Variants in FAM81A observed in about 807,000 individuals in gnomAD.
FAM81A encodes the protein protein FAM81A.
A neutral mutation model predicts 46.7 loss-of-function variants in FAM81A; 19 were observed. The observed-to-expected ratio is 0.41, with a 90% confidence interval of 0.28 to 0.60. The LOEUF is 0.60. Among genes scored for constraint, FAM81A ranks in the 20% least tolerant of loss-of-function variants. The pLI, the probability that FAM81A is intolerant of heterozygous loss-of-function variation, is 0.34. For synonymous variants in FAM81A, 183 were observed against 152.9 expected, an observed-to-expected ratio of 1.20 and a Z score of -1.45; for missense variants, 377 against 453.5, an observed-to-expected ratio of 0.83 and a Z score of 1.53.
intron 1 of FAM81A, among the ~76,000 whole-genome samples, chr15:59,457,528 G>A (rs1378111112): frequency 6.6e-6 from 1 of 152,204 alleles, no homozygotes; most frequent in Non-Finnish European, 1.5e-5. Flanking sequence ...TCCACTGGGG[G>A]TCTTGGAATG....
intron 2 of FAM81A, among the ~76,000 whole-genome samples, chr15:59,431,435 A>G (rs1187317546): frequency 6.6e-6 from 1 of 151,080 alleles, no homozygotes; most frequent in African/African-American, 2.4e-5. Flanking sequence ...GGGTTTCACC[A>G]TGTTGGTCAG....
At chr15:59,401,641 AG>A in intron 1 of FAM81A, 1 of 892,958 alleles carries the variant, frequency 1.1e-6, no homozygotes, top group Non-Finnish European at 1.9e-6. Flanking sequence ...CTTTAGGCAG[AG>A]GGACTTCCCA....
chr15:59,441,822 C>G (rs938020484), intron 1 of FAM81A, among the ~76,000 whole-genome samples: 3 of 152,318 alleles, frequency 2.0e-5, no homozygotes, highest in African/African-American at 7.2e-5. Context: ...GCTGTGAGAT[C>G]CTGTCCTTGG....
chr15:59,487,629 A>G (rs1353041820), intron 3 of FAM81A, among the ~76,000 whole-genome samples: 1 of 152,134 alleles, frequency 6.6e-6, no homozygotes, highest in Non-Finnish European at 1.5e-5. Context: ...AGGAGCAACT[A>G]TATGCCAAAA....
chr15:59,518,971 G>GTC (rs2082297552), intron 8 of FAM81A, among the ~76,000 whole-genome samples: 1 of 150,312 alleles, frequency 6.7e-6, no homozygotes, highest in African/African-American at 2.4e-5. Flanking sequence ...GTGTGTGTGT[G>GTC]TGTGTGGCAA....
At chr15:59,458,513 A>G (rs1469747559) in intron 1 of FAM81A, 37 bp from the exon 2 acceptor site, 1 of 1,479,444 alleles carries the variant, frequency 6.8e-7, no homozygotes, top group African/African-American at 1.4e-5. Context: ...TTCTAGATAT[A>G]AACTGTTAAA....
chr15:59,495,229 G>T (rs1363878941), intron 4 of FAM81A, among the ~76,000 whole-genome samples: 1 of 152,060 alleles, frequency 6.6e-6, no homozygotes, highest in Non-Finnish European at 1.5e-5. Context: ...TCCATGGCAG[G>T]CCTACATTCT....
intron 1 of FAM81A, chr15:59,401,744 A>T: frequency 2.6e-6 from 2 of 764,532 alleles, no homozygotes; most frequent in Non-Finnish European, 4.8e-6. Flanking sequence ...ATAGGCAGGT[A>T]CTGCTCCCTG....
At position 59,460,383 on chromosome 15, in the gene FAM81A, A is replaced by C; in HGVS notation, c.294+177A>C. On this transcript the variant is annotated intron_variant, in intron 3 of 8. Coordinates refer to ENST00000288228, the MANE Select transcript of FAM81A (RefSeq NM_152450.3). This position sits in a 1 kb window ranked among gnomAD's most constrained non-coding sequence, Gnocchi z 4.4. ...ACAGCTTGCAGAAATATCCTAATTA[A>C]ATTTATTCCAGTGTTTGATAACAGT... 1.2e-6 allele frequency: 1 copy of C among 832,476 alleles called. No individual in the cohort carries two copies. The allele number at this position is 832,476 out of a possible 1,614,324, so 51.6% of individuals were successfully genotyped here.
intron 1 of FAM81A, among the ~76,000 whole-genome samples, chr15:59,400,604 T>C (rs902175577): frequency 3.9e-5 from 6 of 152,226 alleles, no homozygotes; most frequent in Admixed American, 3.9e-4. Flanking sequence ...ACACCCCTCC[T>C]GCTTCATCAG....
intron 1 of FAM81A, among the ~76,000 whole-genome samples, chr15:59,439,665 A>T (rs56014137): frequency 0.17 from 26,409 of 152,206 alleles, 2,702 homozygotes; most frequent in South Asian, 0.26. Context: ...AATGCTAATG[A>T]ATAAGCTTCT....
intron 1 of FAM81A, among the ~76,000 whole-genome samples, chr15:59,453,569 A>G (rs556407675): frequency 6.6e-6 from 1 of 152,294 alleles, no homozygotes; most frequent in South Asian, 2.1e-4. Context: ...TTATCCTACC[A>G]CCATGTTTTC....
rs530142261 is a variant in FAM81A at position 59,484,390 on chromosome 15, A to G, written c.295-7881A>G. Among the ~76,000 whole-genome samples, 7 of 152,308 alleles carry G rather than the reference A, an allele frequency of 4.6e-5. No homozygotes were observed. The East Asian group carries it at 5.8e-4, about 13-fold the overall frequency. On this transcript the variant is annotated intron_variant, in intron 3 of 8. Transcript: ENST00000288228. ...GTCTACAAAATAAAGCACCTTCATG[A>G]GAACCAAAAAGCAGGTAAGCGATCA...
At chr15:59,435,728 T>C (rs561066701), upstream of FAM81A, among the ~76,000 whole-genome samples, 33 of 152,248 alleles carry the variant, frequency 2.2e-4, no homozygotes, top group Non-Finnish European at 4.3e-4. Flanking sequence ...CCATCAAGTA[T>C]ATAGAATTGT....
At chr15:59,472,202 G>A (rs1345064616) in intron 3 of FAM81A, among the ~76,000 whole-genome samples, 2 of 151,948 alleles carry the variant, frequency 1.3e-5, no homozygotes, top group East Asian at 1.9e-4. Flanking sequence ...TGGGCTGGGC[G>A]CGGTGGCTCA....
intron 3 of FAM81A, among the ~76,000 whole-genome samples, chr15:59,466,921 A>G (rs1187558505): frequency 6.6e-6 from 1 of 152,210 alleles, no homozygotes; most frequent in African/African-American, 2.4e-5. Flanking sequence ...AGCTTTCTGC[A>G]TATGGCTAGC....
At chr15:59,424,909 G>A (rs1280939336) in intron 2 of FAM81A, among the ~76,000 whole-genome samples, 1 of 152,138 alleles carries the variant, frequency 6.6e-6, no homozygotes, top group Non-Finnish European at 1.5e-5. Flanking sequence ...AGCCACCAGA[G>A]TAAATCAGAT....
At chr15:59,520,658 G>A (rs2141855572) in intron 8 of FAM81A, among the ~76,000 whole-genome samples, 1 of 151,838 alleles carries the variant, frequency 6.6e-6, no homozygotes, top group East Asian at 1.9e-4. Context: ...CCGCTTCCTG[G>A]GTTCAAGCAA....
intron 3 of FAM81A, among the ~76,000 whole-genome samples, chr15:59,476,483 A>G (rs1160640483): frequency 6.6e-6 from 1 of 152,232 alleles, no homozygotes; most frequent in Non-Finnish European, 1.5e-5. Context: ...ATTTATAAGT[A>G]ATATAAAAAT....
Sources: gnomAD v4.1 joint callset for allele counts (sites outside exome capture counted in the v4.1 genomes callset) on GRCh38, gnomAD v4.1.1 for gene constraint, Gnocchi (gnomAD v3.1) non-coding constraint, MANE v1.5 for transcripts, NCBI Gene and HGNC (gene_info 2026-07-23, HGNC 2026-07-21) for gene names.